TAFA5: variants seen among roughly 807,000 people sequenced by gnomAD.
TAFA5 encodes chemokine-like protein TAFA-5.
TAFA5 carries 6 observed loss-of-function variants against 15.3 expected under a neutral mutation model. The ratio of observed to expected loss-of-function variants is 0.39; its 90% confidence interval spans 0.21 to 0.77. The LOEUF is 0.77. Among genes scored for constraint, TAFA5 ranks in the 30% least tolerant of loss-of-function variants. TAFA5 has a pLI of 0.41. For missense variants in TAFA5, 161 were observed against 193.1 expected (o/e 0.83, Z 0.98); for synonymous variants, 103 against 80.7 (o/e 1.28, Z -1.48).
At chr22:48,581,851 T>G (rs990883130) in intron 1 of TAFA5, among the ~76,000 whole-genome samples, 1 of 152,284 alleles carries the variant, frequency 6.6e-6, no homozygotes, top group Non-Finnish European at 1.5e-5. Flanking sequence ...GGCAGTGGTG[T>G]TCCTGTGTTC....
chr22:48,729,357 G>T (rs1315698487), intron 3 of TAFA5, among the ~76,000 whole-genome samples: 18 of 81,706 alleles, frequency 2.2e-4, no homozygotes, highest in East Asian at 1.3e-3. Context: ...TTTTATATTA[G>T]TATATAATAA....
intron 3 of TAFA5, among the ~76,000 whole-genome samples, chr22:48,709,451 C>CATAA (rs1929185153): frequency 2.0e-5 from 3 of 152,206 alleles, no homozygotes; most frequent in African/African-American, 7.2e-5. Context: ...TCTCCAGCAA[C>CATAA]ACAAACAGCA....
intron 1 of TAFA5, among the ~76,000 whole-genome samples, chr22:48,529,762 T>C (rs1359400285): frequency 1.3e-5 from 2 of 151,846 alleles, no homozygotes; most frequent in East Asian, 1.9e-4. Context: ...GACAGGATGA[T>C]GGGTTGGGTG....
In TAFA5 at chr22:48,536,778, G is replaced by A. The variant is rs1479994174; in HGVS notation, c.112+47074G>A. Among the ~76,000 whole-genome samples, 4 of 152,240 alleles carry A rather than the reference G, an allele frequency of 2.6e-5. 1 individual carries two copies. The highest frequency in any genetic ancestry group is 2.6e-4 in the Admixed American group (4 of 15,288). ...GGCGCGCACACACATGCACACGGCAGTGGCTTTCTGTGCTCCAGGAGGGTT... is the reference window on the plus strand; with the variant it reads ...GGCGCGCACACACATGCACACGGCAATGGCTTTCTGTGCTCCAGGAGGGTT... On this transcript the variant is annotated intron_variant, in intron 1 of 3. Transcript: ENST00000402357.
chr22:48,559,755 C>T (rs575852343), intron 1 of TAFA5, among the ~76,000 whole-genome samples: 54 of 152,198 alleles, frequency 3.5e-4, no homozygotes, highest in Admixed American at 1.8e-3. Context: ...GCAGGAGGGG[C>T]GGCGGGGCCT....
chr22:48,625,562 A>G (rs1261156104), intron 1 of TAFA5, among the ~76,000 whole-genome samples: 2 of 152,226 alleles, frequency 1.3e-5, no homozygotes, highest in African/African-American at 4.8e-5. Context: ...TTTCAGTCTT[A>G]CAGACCTCAC....
chr22:48,542,620 GGT>G (rs1400858035), intron 1 of TAFA5, among the ~76,000 whole-genome samples: 10 of 93,618 alleles, frequency 1.1e-4, no homozygotes, highest in African/African-American at 3.9e-4. Flanking sequence ...GTGTGTGTGT[GGT>G]GTGTGTGGGT....
intron 3 of TAFA5, among the ~76,000 whole-genome samples, chr22:48,744,838 C>A (rs1489101396): frequency 6.6e-6 from 1 of 152,170 alleles, no homozygotes; most frequent in Non-Finnish European, 1.5e-5. Flanking sequence ...CGGCTCACTG[C>A]AACCTCTGCC....
intron 1 of TAFA5, among the ~76,000 whole-genome samples, chr22:48,541,994 C>T (rs1192569500): frequency 6.6e-6 from 1 of 152,166 alleles, no homozygotes; most frequent in Non-Finnish European, 1.5e-5. Context: ...CAGGGCCCAG[C>T]ATCAATCAGC....
intron 3 of TAFA5, among the ~76,000 whole-genome samples, chr22:48,714,952 G>A (rs1219195889): frequency 6.6e-6 from 1 of 152,118 alleles, no homozygotes. Flanking sequence ...CGTCTTCATG[G>A]GGCCTGCTCT....
At chr22:48,717,905 G>T (rs1393539402) in intron 3 of TAFA5, among the ~76,000 whole-genome samples, 1 of 152,242 alleles carries the variant, frequency 6.6e-6, no homozygotes, top group East Asian at 1.9e-4. Context: ...GTTGTCACCA[G>T]AAGTGAATAA....
chr22:48,634,735 ACT>A (rs966263907), intron 1 of TAFA5, among the ~76,000 whole-genome samples: 24 of 144,702 alleles, frequency 1.7e-4, no homozygotes, highest in African/African-American at 6.1e-4. Flanking sequence ...CTACTCATTC[ACT>A]CTCTCACTCA....
At chr22:48,524,659 G>C (rs756783804) in intron 1 of TAFA5, among the ~76,000 whole-genome samples, 28 of 152,202 alleles carry the variant, frequency 1.8e-4, no homozygotes, top group Non-Finnish European at 1.8e-4. Flanking sequence ...GCAGGATCCG[G>C]CACACACGCC....
rs6008737 is a variant in TAFA5 at position 48,494,831 on chromosome 22, C to T, written c.112+5127C>T. 4.8e-3 allele frequency among the ~76,000 whole-genome samples: 737 copies of T among 152,326 alleles called. 4 individuals are homozygous for T. The highest frequency in any genetic ancestry group is 0.016 in the African/African-American group (663 of 41,576). ...CCTGGCAGCTGGCAGCAGATCTGGGCGACTATTCTCGTCTCTCCTTCACCC... is the reference window on the plus strand; with the variant it reads ...CCTGGCAGCTGGCAGCAGATCTGGGTGACTATTCTCGTCTCTCCTTCACCC... On this transcript the variant is annotated intron_variant, in intron 1 of 3. Coordinates refer to ENST00000402357, the MANE Select transcript of TAFA5 (RefSeq NM_001082967.3).
chr22:48,634,116 A>ACTGG (rs1555894533), intron 1 of TAFA5, among the ~76,000 whole-genome samples: 1 of 73,332 alleles, frequency 1.4e-5, no homozygotes, highest in Non-Finnish European at 2.5e-5. Context: ...ACGTTCACTC[A>ACTGG]CTCGCTCACT....
intron 1 of TAFA5, among the ~76,000 whole-genome samples, chr22:48,642,529 C>G (rs551888383): frequency 6.6e-6 from 1 of 152,160 alleles, no homozygotes; most frequent in Non-Finnish European, 1.5e-5. Context: ...ACCCAGCACT[C>G]GGAGCCGGAC....
At chr22:48,593,554 G>T (rs1924652914) in intron 1 of TAFA5, among the ~76,000 whole-genome samples, 1 of 152,182 alleles carries the variant, frequency 6.6e-6, no homozygotes, top group Admixed American at 6.5e-5. Context: ...AGGAGGGCTA[G>T]TGCCAAGTTG....
At position 48,725,568 on chromosome 22, in the gene TAFA5, G is replaced by A. The variant is rs151086774; in HGVS notation, c.390+17724G>A. 1.8e-4 allele frequency among the ~76,000 whole-genome samples: 27 copies of A among 152,156 alleles called. No individual in the cohort carries two copies. The East Asian group carries it at 5.0e-3, about 28-fold the overall frequency. ...CCTGGAACGAAGGCAGACATCCAAGGGTTTTCTGAATGAAATAGAAGATGG... is the reference window on the plus strand; with the variant it reads ...CCTGGAACGAAGGCAGACATCCAAGAGTTTTCTGAATGAAATAGAAGATGG... On this transcript the variant is annotated intron_variant, in intron 3 of 3. Coordinates refer to ENST00000402357, the MANE Select transcript of TAFA5 (RefSeq NM_001082967.3).
At chr22:48,712,112 A>G (rs747330109) in intron 3 of TAFA5, among the ~76,000 whole-genome samples, 99 of 152,316 alleles carry the variant, frequency 6.5e-4, no homozygotes, top group Non-Finnish European at 1.2e-3. Flanking sequence ...GCTGGAGTGC[A>G]AGGGCACAAT....
Sources: allele counts gnomAD v4.1 joint callset (sites outside exome capture counted in the v4.1 genomes callset), GRCh38; gene constraint gnomAD v4.1.1; transcripts MANE v1.5; gene names NCBI Gene and HGNC (gene_info 2026-07-23, HGNC 2026-07-21).